The following RHOF variants were observed in gnomAD, a reference collection of about 807,000 sequenced individuals.
RHOF encodes the protein rho-related GTP-binding protein RhoF.
A neutral mutation model predicts 22.2 loss-of-function variants in RHOF; 21 were observed. The observed-to-expected ratio is 0.95, with a 90% CI of 0.67 to 1.36. The LOEUF (loss-of-function observed/expected upper bound fraction) is 1.36, where lower values mean the gene tolerates loss of function less well. Ranked by LOEUF, RHOF falls within the 40% of genes most tolerant of loss-of-function variation. The pLI, the probability that RHOF is intolerant of heterozygous loss-of-function variation, is 0.00. For missense variants in RHOF, 285 were observed against 293.7 expected (o/e 0.97, Z 0.22); for synonymous variants, 135 against 131.2 (o/e 1.03, Z -0.20).
At chr12:121,790,159 G>A (rs750329351) in intron 2 of RHOF, among the ~76,000 whole-genome samples, 1 of 152,212 alleles carries the variant, frequency 6.6e-6, no homozygotes, top group Non-Finnish European at 1.5e-5. Context: ...ACAGCCACAC[G>A]GGCCTTCCAC....
chr12:121,779,654 G>A lies in RHOF; in HGVS notation c.480C>T (p.Ser160=), dbSNP rs750887035. 3.1e-5 allele frequency: 50 copies of A among 1,613,788 alleles called. No individual in the cohort carries two copies. The Admixed American group carries it at 7.0e-4, about 23-fold the overall frequency. The change falls in exon 5 of 5, where the codon AGC becomes AGT. Residue 160 remains serine, a synonymous_variant. Coordinates refer to ENST00000267205, the MANE Select transcript of RHOF (RefSeq NM_019034.3). ...GAGCAGCTCGGATCTGTTCGCAGGC[G>A]CTCAGGCCCTGGGTGGGGGGAGGAG... is the stretch of plus-strand genomic sequence containing the variant. ...LEPITYMQGL[S]ACEQIRAALY... is the part of the protein sequence containing the mutation.
chr12:121,787,635 C>T lies in RHOF; in HGVS notation c.226+5517G>A, dbSNP rs575633241. On this transcript the variant is annotated intron_variant, in intron 2 of 4. Transcript: ENST00000267205. ...TCATGGTCTAGACCGGGCGCTGTGGCGCATGCTTGTAATCCCAGCACTTTG... is the reference window on the plus strand; with the variant it reads ...TCATGGTCTAGACCGGGCGCTGTGGTGCATGCTTGTAATCCCAGCACTTTG... Among the ~76,000 whole-genome samples the T allele has an allele frequency of 4.1e-5, 6 of 144,814 alleles. No individual in the cohort carries two copies. In the East Asian group the frequency reaches 5.8e-4, roughly 14 times the overall value.
intron 2 of RHOF, among the ~76,000 whole-genome samples, chr12:121,792,792 G>A (rs1874796257): frequency 6.6e-6 from 1 of 152,234 alleles, no homozygotes; most frequent in Non-Finnish European, 1.5e-5. Context: ...ACTCAAATCT[G>A]CAGCTCACAG....
Position 121,777,883 on chromosome 12 carries a change from G to A in RHOF, c.*1615C>T, listed in dbSNP as rs1278949277. The A allele has an allele frequency of 6.6e-6, 1 of 152,224 alleles. No homozygotes were observed. The highest frequency in any genetic ancestry group is 1.5e-5 in the Non-Finnish European group (1 of 68,038). The allele number at this position is 152,224 out of a possible 1,614,324, so 9.4% of individuals were successfully genotyped here. A position where few individuals can be genotyped will look rare whatever the true frequency, so the allele number is the denominator to read the frequency against. On this transcript the variant is annotated 3_prime_UTR_variant, in exon 5 of 5. Transcript: ENST00000267205. ...GGTTCTTCGAGAACAAGAACTCCTT[G>A]GTTGATTCCCCAGGGTACGGCAGGG... is the stretch of plus-strand genomic sequence containing the variant.
chr12:121,790,412 T>C (rs879281237), intron 2 of RHOF, among the ~76,000 whole-genome samples: 1 of 152,270 alleles, frequency 6.6e-6, no homozygotes, highest in Non-Finnish European at 1.5e-5. Context: ...TCTCTCTACG[T>C]GGCCGCCTGG....
At chr12:121,786,003 C>T (rs1874599295) in intron 2 of RHOF, among the ~76,000 whole-genome samples, 2 of 152,076 alleles carry the variant, frequency 1.3e-5, no homozygotes, top group African/African-American at 4.8e-5. Flanking sequence ...CAAACTCCGC[C>T]TTCTGGGTTC....
rs1397470948 is a variant in RHOF, at chr12:121,778,028, G to C, written c.*1470C>G. ...CACTGGGCCAGGGGGGCTGAGGCAG[G>C]AGATATGGGGAAGGCTAGGAGTTGC... On this transcript the variant is annotated 3_prime_UTR_variant, in exon 5 of 5. Transcript: ENST00000267205. 1 of 152,204 alleles carries C rather than the reference G, an allele frequency of 6.6e-6. No individual in the cohort carries two copies. The highest frequency in any genetic ancestry group is 1.5e-5 in the Non-Finnish European group (1 of 68,054). The allele number at this position is 152,204 out of a possible 1,614,324, so 9.4% of individuals were successfully genotyped here.
chr12:121,785,920 C>CTTCG (rs1555334049), intron 2 of RHOF, among the ~76,000 whole-genome samples: 2 of 140,708 alleles, frequency 1.4e-5, no homozygotes, highest in African/African-American at 5.2e-5. Context: ...CTTTTCTTTT[C>CTTCG]TTTGTTTGTT....
chr12:121,784,374 G>A lies in RHOF; in HGVS notation c.227-3182C>T, dbSNP rs1242274303. On this transcript the variant is annotated intron_variant, in intron 2 of 4. Coordinates refer to ENST00000267205, the MANE Select transcript of RHOF (RefSeq NM_019034.3). Reference sequence around the variant, plus strand: ...AGTCTAACCAAGATGGTGAGACCCCGTCTCTACTAAAAATACAAAAATTAG... The same window carrying A: ...AGTCTAACCAAGATGGTGAGACCCCATCTCTACTAAAAATACAAAAATTAG... 4.5e-5 allele frequency among the ~76,000 whole-genome samples: 6 copies of A among 133,440 alleles called. No homozygotes were observed. The East Asian group carries it at 9.9e-4, about 22-fold the overall frequency. The allele number at this position is 133,440 out of a possible 152,430, so 87.5% of individuals were successfully genotyped here.
At chr12:121,780,584 G>C in intron 4 of RHOF, 1 of 517,338 alleles carries the variant, frequency 1.9e-6, no homozygotes, top group Non-Finnish European at 3.4e-6. Context: ...TCCACTTCTC[G>C]CTAGCTGTGT....
chr12:121,778,981 G>T lies in RHOF; in HGVS notation c.*517C>A, dbSNP rs183656604. The T allele has an allele frequency of 3.2e-3, 496 of 156,416 alleles. 2 individuals are homozygous for T. Among genetic ancestry groups the T allele is most frequent in the Non-Finnish European group, 5.3e-3 (370 of 70,308 alleles). 9.7% of individuals were successfully genotyped at this position (156,416 alleles called of 1,614,324 possible). On this transcript the variant is annotated 3_prime_UTR_variant, in exon 5 of 5. Coordinates refer to ENST00000267205, the MANE Select transcript of RHOF (RefSeq NM_019034.3). ...TGGAGATGGGAGGGGTGGGTGCCAG[G>T]CTGCAGCCTGTGTCCTCCTGATAGG...
chr12:121,789,351 C>G (rs965638833), intron 2 of RHOF, among the ~76,000 whole-genome samples: 16 of 152,252 alleles, frequency 1.1e-4, no homozygotes, highest in Non-Finnish European at 2.2e-4. Flanking sequence ...GACGTGCACT[C>G]AGGCGGTGCG....
intron 2 of RHOF, among the ~76,000 whole-genome samples, chr12:121,783,327 C>CT (rs71079096): frequency 6.7e-6 from 1 of 148,564 alleles, no homozygotes; most frequent in Non-Finnish European, 1.5e-5. Flanking sequence ...CCCCCCCCCC[C>CT]ACCTTTTCTT....
intron 2 of RHOF, among the ~76,000 whole-genome samples, chr12:121,786,562 A>T (rs1406612441): frequency 2.0e-5 from 3 of 151,592 alleles, no homozygotes; most frequent in Admixed American, 2.0e-4. Context: ...CTTGCTGTTC[A>T]CTCCTCCAGA....
Position 121,779,277 on chromosome 12 carries a change from C to T in RHOF, c.*221G>A. Reference sequence around the variant, plus strand: ...GAGTCCCGACAACAGACACTGGCTCCTGCACCCACATCACCACCATGTCCC... The same window carrying T: ...GAGTCCCGACAACAGACACTGGCTCTTGCACCCACATCACCACCATGTCCC... On this transcript the variant is annotated 3_prime_UTR_variant, in exon 5 of 5. Coordinates refer to ENST00000267205, the MANE Select transcript of RHOF (RefSeq NM_019034.3). 3.4e-6 allele frequency: 2 copies of T among 588,148 alleles called. No individual in the cohort carries two copies. The highest frequency in any genetic ancestry group is 2.8e-5 in the East Asian group (1 of 35,182). 36.4% of individuals were successfully genotyped at this position (588,148 alleles called of 1,614,324 possible).
At chr12:121,783,569 A>G (rs1483175990) in intron 2 of RHOF, among the ~76,000 whole-genome samples, 1 of 150,642 alleles carries the variant, frequency 6.6e-6, no homozygotes, top group African/African-American at 2.4e-5. Flanking sequence ...TGCAACCTAC[A>G]CCTCCCAGGT....
In RHOF at chr12:121,779,338, C is replaced by T; in HGVS notation, c.*160G>A. On this transcript the variant is annotated 3_prime_UTR_variant, in exon 5 of 5. Coordinates refer to ENST00000267205, the MANE Select transcript of RHOF (RefSeq NM_019034.3). ...TGGAGGGGAGTTTGTGGTCAGAGCC[C>T]CAGCCAGGAAAGGAGAGAGTTCCAG... 1 of 778,128 alleles carries T rather than the reference C, an allele frequency of 1.3e-6. No homozygotes were observed. Among genetic ancestry groups the T allele is most frequent in the Non-Finnish European group, 2.0e-6 (1 of 499,356 alleles). 48.2% of individuals were successfully genotyped at this position (778,128 alleles called of 1,614,324 possible).
At chr12:121,785,039 CAG>C (rs924077012) in intron 2 of RHOF, among the ~76,000 whole-genome samples, 1 of 152,060 alleles carries the variant, frequency 6.6e-6, no homozygotes, top group African/African-American at 2.4e-5. Flanking sequence ...TAAAATAAAA[CAG>C]GGCCAGGCAC....
chr12:121,785,246 C>T (rs193265654), intron 2 of RHOF, among the ~76,000 whole-genome samples: 17 of 152,170 alleles, frequency 1.1e-4, no homozygotes, highest in Admixed American at 4.6e-4. Flanking sequence ...GGACAGCGCA[C>T]GATCTCATCA....
Sources: allele counts gnomAD v4.1 joint callset (sites outside exome capture counted in the v4.1 genomes callset), GRCh38; gene constraint gnomAD v4.1.1; transcripts MANE v1.5; gene names NCBI Gene and HGNC (gene_info 2026-07-23, HGNC 2026-07-21).